KIF6: variants seen among roughly 807,000 people sequenced by gnomAD.
KIF6 encodes the protein kinesin-like protein KIF6.
KIF6 carries 106 observed loss-of-function variants against 112.7 expected under a neutral mutation model. The observed-to-expected ratio is 0.94, with a 90% CI of 0.80 to 1.11. The LOEUF (loss-of-function observed/expected upper bound fraction) is 1.11, where lower values mean the gene tolerates loss of function less well. Among genes scored for constraint, KIF6 ranks in the 50% least tolerant of loss-of-function variants. KIF6 has a pLI of 0.00. For missense variants in KIF6, 929 were observed against 964.0 expected, an observed-to-expected ratio of 0.96 and a Z score of 0.48; for synonymous variants, 339 against 339.9, an observed-to-expected ratio of 1.00 and a Z score of 0.03.
chr6:39,716,441 T>A (rs1789857959), intron 2 of KIF6, among the ~76,000 whole-genome samples: 1 of 152,214 alleles, frequency 6.6e-6, no homozygotes, highest in Admixed American at 6.5e-5. Flanking sequence ...AAGTTTACAA[T>A]AAACCATTAA....
At position 39,497,225 on chromosome 6, in the gene KIF6, T is replaced by G. The variant is rs574308977; in HGVS notation, c.1645+42778A>C. ...GGTCCAACATAAACACCCAGCATTA[T>G]GTGGCTAATGCACTGAATTAGAGTT... On this transcript the variant is annotated intron_variant, in intron 13 of 22. Transcript: ENST00000287152. 1.6e-3 allele frequency among the ~76,000 whole-genome samples: 245 copies of G among 152,368 alleles called. 2 individuals carry two copies. Among genetic ancestry groups the G allele is most frequent in the Non-Finnish European group, 3.0e-3 (206 of 68,026 alleles).
intron 10 of KIF6, among the ~76,000 whole-genome samples, chr6:39,566,127 G>C (rs1006742303): frequency 6.6e-6 from 1 of 152,130 alleles, no homozygotes; most frequent in African/African-American, 2.4e-5. Flanking sequence ...GCCCAAAGTG[G>C]CTGCCTTTCA....
intron 16 of KIF6, among the ~76,000 whole-genome samples, chr6:39,377,627 C>G (rs1279910840): frequency 6.6e-6 from 1 of 152,170 alleles, no homozygotes; most frequent in Non-Finnish European, 1.5e-5. Context: ...TGAAGAACAA[C>G]AGGGATGCCA....
At chr6:39,361,407 C>T (rs542019727) in intron 17 of KIF6, among the ~76,000 whole-genome samples, 3 of 151,638 alleles carry the variant, frequency 2.0e-5, no homozygotes, top group Non-Finnish European at 4.4e-5. Flanking sequence ...TAAAAATACA[C>T]AATTAGCTGG....
At chr6:39,617,647 G>A (rs1783592231) in intron 5 of KIF6, 1 of 449,760 alleles carries the variant, frequency 2.2e-6, no homozygotes, top group Admixed American at 2.4e-5. Context: ...GCAATGAAGA[G>A]CCTCCTAACA....
Position 39,710,895 on chromosome 6 carries a change from T to C in KIF6, c.251+3797A>G, listed in dbSNP as rs565725086. On this transcript the variant is annotated intron_variant, in intron 3 of 22. Transcript: ENST00000287152. ...AAAAAATTAGCCGAGTGTGGTAGCATGCATGTGTAATTTCAACTACTCGGG... is the reference window on the plus strand; with the variant it reads ...AAAAAATTAGCCGAGTGTGGTAGCACGCATGTGTAATTTCAACTACTCGGG... Among the ~76,000 whole-genome samples, 2 of 152,074 alleles carry C rather than the reference T, an allele frequency of 1.3e-5. 1 individual carries two copies. Among genetic ancestry groups the C allele is most frequent in the South Asian group, 4.2e-4 (2 of 4,808 alleles).
intron 15 of KIF6, among the ~76,000 whole-genome samples, chr6:39,395,939 T>C (rs536389395): frequency 6.6e-6 from 1 of 152,336 alleles, no homozygotes; most frequent in South Asian, 2.1e-4. Flanking sequence ...TTTACATGGC[T>C]CTTTGATATA....
intron 16 of KIF6, among the ~76,000 whole-genome samples, chr6:39,382,736 A>G (rs1394056966): frequency 6.6e-6 from 1 of 152,142 alleles, no homozygotes; most frequent in Non-Finnish European, 1.5e-5. Context: ...TCTCTGAGAA[A>G]TCTCCAAACT....
At chr6:39,607,341 CTG>C (rs1161940069) in intron 6 of KIF6, among the ~76,000 whole-genome samples, 1 of 152,116 alleles carries the variant, frequency 6.6e-6, no homozygotes, top group African/African-American at 2.4e-5. Flanking sequence ...AGAATGCAAA[CTG>C]TGTTATAACA....
rs145259254 is a variant in KIF6, at chr6:39,586,269, T to A, written c.982A>T (p.Asn328Tyr). The change falls in exon 8 of 23, where the codon AAT (asparagine) becomes TAT (tyrosine). Residue 328 changes from asparagine to tyrosine, a missense_variant. Around this residue, in one of 2 missense-constraint regions of KIF6, gnomAD observed 688 missense variants for 662.7 expected, o/e 1.04. Transcript: ENST00000287152. The stretch of plus-strand genomic sequence containing the variant: ...AAGAAGAGCCCACATACATCAAGAT[T>A]CCTTTTCTCCAAGGAGAGTGTTGCA... Reference protein sequence around the residue: ...MIATLSLEKRNLDESISTCRF... With the variant: ...MIATLSLEKRYLDESISTCRF... 7.8e-5 allele frequency: 126 copies of A among 1,614,124 alleles called. No homozygotes were observed. In the African/African-American group the frequency reaches 1.5e-3, roughly 19 times the overall value.
At chr6:39,674,534 C>G (rs1787023892) in intron 3 of KIF6, among the ~76,000 whole-genome samples, 1 of 152,050 alleles carries the variant, frequency 6.6e-6, no homozygotes, top group African/African-American at 2.4e-5. Context: ...TGGGCTGAAC[C>G]AAATTGAACT....
At chr6:39,718,011 G>A (rs961797055) in intron 2 of KIF6, among the ~76,000 whole-genome samples, 2 of 151,350 alleles carry the variant, frequency 1.3e-5, no homozygotes, top group South Asian at 2.1e-4. Context: ...CAGATCACTC[G>A]AGGTCAGGAG....
At chr6:39,359,606 G>T (rs1042783556) in intron 18 of KIF6, among the ~76,000 whole-genome samples, 7 of 151,318 alleles carry the variant, frequency 4.6e-5, no homozygotes, top group African/African-American at 1.7e-4. Flanking sequence ...ATTATTTTGA[G>T]ACAGGGCCTT....
At chr6:39,430,024 G>T (rs996936621) in intron 14 of KIF6, among the ~76,000 whole-genome samples, 1 of 152,140 alleles carries the variant, frequency 6.6e-6, no homozygotes, top group Non-Finnish European at 1.5e-5. Context: ...CAAAATCTCT[G>T]TACACTTCCC....
intron 5 of KIF6, among the ~76,000 whole-genome samples, chr6:39,627,506 A>C (rs1236635248): frequency 6.6e-6 from 1 of 152,186 alleles, no homozygotes; most frequent in Non-Finnish European, 1.5e-5. Flanking sequence ...ATATGAATGA[A>C]TTCACATGAC....
chr6:39,443,139 AATAATAATAATAATAAT>A (rs1368186473), intron 13 of KIF6, among the ~76,000 whole-genome samples: 2 of 141,180 alleles, frequency 1.4e-5, no homozygotes, highest in African/African-American at 2.6e-5. Context: ...TAATAATAAT[AATAATAATAATAATAAT>A]AATAAATAAA....
intron 3 of KIF6, among the ~76,000 whole-genome samples, chr6:39,650,091 C>A (rs1457987933): frequency 6.6e-6 from 1 of 152,136 alleles, no homozygotes; most frequent in East Asian, 1.9e-4. Context: ...CTATGATTCT[C>A]AGGGCTTTGT....
chr6:39,612,599 C>T (rs1783274893), intron 6 of KIF6, among the ~76,000 whole-genome samples: 1 of 152,064 alleles, frequency 6.6e-6, no homozygotes, highest in Admixed American at 6.6e-5. Context: ...AAGCATGTTC[C>T]AAATATTGCA....
intron 12 of KIF6, among the ~76,000 whole-genome samples, chr6:39,540,793 A>T (rs913218933): frequency 5.9e-5 from 9 of 152,386 alleles, no homozygotes; most frequent in South Asian, 4.1e-4. Context: ...TTTTTAAGCC[A>T]CTAATGTTTG....
Sources: gnomAD v4.1 joint callset for allele counts (sites outside exome capture counted in the v4.1 genomes callset) on GRCh38, gnomAD v4.1.1 for gene constraint, gnomAD v4.1.1 regional missense constraint, MANE v1.5 for transcripts, NCBI Gene and HGNC (gene_info 2026-07-23, HGNC 2026-07-21) for gene names.